Variants in C2orf66 observed in about 807,000 individuals in gnomAD.
The protein encoded by C2orf66 is uncharacterized protein C2orf66.
C2orf66 carries 6 observed loss-of-function variants against 7.0 expected under a neutral mutation model. The observed-to-expected ratio is 0.86, with a 90% CI of 0.47 to 1.69. C2orf66 has a LOEUF of 1.69. Ranked by LOEUF, C2orf66 falls within the 40% of genes most tolerant of loss-of-function variation. C2orf66 has a pLI of 0.01. For synonymous variants in C2orf66, 38 were observed against 43.8 expected (o/e 0.87, Z 0.52); for missense variants, 107 against 112.0 (o/e 0.96, Z 0.20).
upstream of C2orf66, among the ~76,000 whole-genome samples, chr2:196,812,758 G>A (rs960748893): frequency 6.6e-6 from 1 of 152,106 alleles, no homozygotes; most frequent in Non-Finnish European, 1.5e-5. Flanking sequence ...AAATCAATGT[G>A]CAAAAATCAC....
At chr2:196,828,772 A>C in the C2orf66 span, among the ~76,000 whole-genome samples, 1 of 151,934 alleles carries the variant, frequency 6.6e-6, no homozygotes, top group Non-Finnish European at 1.5e-5. Context: ...TCAAAAGGCT[A>C]TGTGGTAGGG....
Position 196,809,234 on chromosome 2 carries a change from T to G in C2orf66, c.103A>C (p.Asn35His), listed in dbSNP as rs770821149. 6.2e-7 allele frequency: 1 copy of G among 1,614,050 alleles called. No individual in the cohort carries two copies. Among genetic ancestry groups the G allele is most frequent in the Non-Finnish European group, 8.5e-7 (1 of 1,179,936 alleles). Residue 35 changes from asparagine to histidine, a missense_variant, in exon 1 of 3, where the codon AAC becomes CAC. Physicochemically the swap from Asn to His is moderately conservative, Grantham distance 68. Coordinates refer to ENST00000342506, the MANE Select transcript of C2orf66 (RefSeq NM_213608.3). ...CTTACCAGATCTCTGTTTCTGGGGT[T>G]GTTGAGTGGCTTCCATTTGTCCTCA... is the stretch of plus-strand genomic sequence containing the variant. ...RNEDKWKPLN[N>H]PRNRDLFFRR...
chr2:196,806,221 G>A (rs1184180060), intron 2 of C2orf66, among the ~76,000 whole-genome samples: 1 of 151,952 alleles, frequency 6.6e-6, no homozygotes, highest in South Asian at 2.1e-4. Flanking sequence ...TTTTTGAGAT[G>A]GAGTCTCGCT....
chr2:196,829,418 A>T, the C2orf66 span, among the ~76,000 whole-genome samples: 11 of 152,152 alleles, frequency 7.2e-5, no homozygotes, highest in African/African-American at 2.2e-4. Context: ...GTGAAACCCC[A>T]TCTCTACTAA....
the C2orf66 span, among the ~76,000 whole-genome samples, chr2:196,826,698 TG>T: frequency 6.6e-6 from 1 of 152,160 alleles, no homozygotes; most frequent in African/African-American, 2.4e-5. Flanking sequence ...TACTTTAAAA[TG>T]GTTAAGATGA....
chr2:196,818,579 G>A, the C2orf66 span, among the ~76,000 whole-genome samples: 1 of 152,180 alleles, frequency 6.6e-6, no homozygotes. Flanking sequence ...TAAGATGGAG[G>A]AGTAGAGTCA....
the C2orf66 span, among the ~76,000 whole-genome samples, chr2:196,822,734 A>G: frequency 6.6e-6 from 1 of 152,154 alleles, no homozygotes; most frequent in East Asian, 1.9e-4. Flanking sequence ...CCCTTTCTCC[A>G]TTAGCGGCAT....
At chr2:196,829,971 C>A in the C2orf66 span, among the ~76,000 whole-genome samples, 1 of 152,100 alleles carries the variant, frequency 6.6e-6, no homozygotes, top group Non-Finnish European at 1.5e-5. Context: ...TTAGGACAGG[C>A]AGATAATTCG....
the C2orf66 span, among the ~76,000 whole-genome samples, chr2:196,825,870 C>G: frequency 6.6e-6 from 1 of 152,310 alleles, no homozygotes; most frequent in South Asian, 2.1e-4. Context: ...GAGAATTCTA[C>G]AGCATACAGG....
At chr2:196,811,293 T>C (rs11900782), upstream of C2orf66, among the ~76,000 whole-genome samples, 18,429 of 152,238 alleles carry the variant, frequency 0.12, 1,257 homozygotes, top group Middle Eastern at 0.18. Context: ...TTGATCATAC[T>C]TGCATTTTTA....
At chr2:196,807,139 A>T (rs1699827811) in intron 2 of C2orf66, among the ~76,000 whole-genome samples, 1 of 152,214 alleles carries the variant, frequency 6.6e-6, no homozygotes, top group Non-Finnish European at 1.5e-5. Flanking sequence ...GAGTGTGGCC[A>T]TGTTATTAAT....
chr2:196,813,437 T>G (rs964449443), upstream of C2orf66, among the ~76,000 whole-genome samples: 3 of 152,152 alleles, frequency 2.0e-5, no homozygotes, highest in African/African-American at 7.2e-5. Flanking sequence ...TCAAGATGGA[T>G]AAAAGACTTA....
the C2orf66 span, among the ~76,000 whole-genome samples, chr2:196,828,418 A>T: frequency 6.6e-6 from 1 of 152,202 alleles, no homozygotes; most frequent in African/African-American, 2.4e-5. Flanking sequence ...AAGTATAGCA[A>T]TTATGAAAAA....
the C2orf66 span, among the ~76,000 whole-genome samples, chr2:196,821,423 A>G: frequency 6.6e-6 from 1 of 152,248 alleles, no homozygotes; most frequent in Non-Finnish European, 1.5e-5. Context: ...CAACTGCTTT[A>G]GGTTCTACTA....
the C2orf66 span, among the ~76,000 whole-genome samples, chr2:196,822,594 G>T: frequency 6.6e-6 from 1 of 151,578 alleles, no homozygotes; most frequent in Non-Finnish European, 1.5e-5. Flanking sequence ...TTCCTTTATT[G>T]TACATAAAGT....
the C2orf66 span, among the ~76,000 whole-genome samples, chr2:196,828,831 A>G: frequency 6.6e-6 from 1 of 152,162 alleles, no homozygotes; most frequent in African/African-American, 2.4e-5. Context: ...GAAAACAGGG[A>G]CCTCAGCCCT....
chr2:196,821,647 A>G, the C2orf66 span, among the ~76,000 whole-genome samples: 1 of 152,204 alleles, frequency 6.6e-6, no homozygotes, highest in Non-Finnish European at 1.5e-5. Context: ...AGAATATTAA[A>G]CTAGATAAGA....
intron 2 of C2orf66, among the ~76,000 whole-genome samples, chr2:196,806,569 C>T (rs761495796): frequency 2.7e-5 from 4 of 150,000 alleles, no homozygotes; most frequent in Admixed American, 6.6e-5. Context: ...TAATGAAATT[C>T]GCTGGGTGTG....
rs970928747 is a variant in C2orf66 at position 196,809,233 on chromosome 2, T to C, written c.104A>G (p.Asn35Ser). Residue 35 changes from asparagine (N) to serine (S), a missense_variant, in exon 1 of 3, where the codon AAC becomes AGC. Coordinates refer to ENST00000342506, the MANE Select transcript of C2orf66 (RefSeq NM_213608.3). ...RNEDKWKPLN[N>S]PRNRDLFFRR... Reference sequence around the variant, plus strand: ...TCTTACCAGATCTCTGTTTCTGGGGTTGTTGAGTGGCTTCCATTTGTCCTC... The same window carrying C: ...TCTTACCAGATCTCTGTTTCTGGGGCTGTTGAGTGGCTTCCATTTGTCCTC... 3 of 1,613,734 alleles carry C rather than the reference T, an allele frequency of 1.9e-6. No individual in the cohort carries two copies. The highest frequency in any genetic ancestry group is 2.7e-5 in the African/African-American group (2 of 74,900).
Sources: allele counts gnomAD v4.1 joint callset (sites outside exome capture counted in the v4.1 genomes callset), GRCh38; gene constraint gnomAD v4.1.1; transcripts MANE v1.5; gene names NCBI Gene and HGNC (gene_info 2026-07-23, HGNC 2026-07-21).